CTNNA3: variants seen among roughly 807,000 people sequenced by gnomAD.
CTNNA3 encodes the protein catenin alpha 3.
A neutral mutation model predicts 95.7 loss-of-function variants in CTNNA3; 76 were observed. That is an observed-to-expected ratio of 0.79 (90% CI 0.66 to 0.96). CTNNA3 has a LOEUF of 0.96. CTNNA3 is among the 40% of genes least tolerant of loss of function. CTNNA3 has a pLI of 0.00. For synonymous variants in CTNNA3, 431 were observed against 374.4 expected (o/e 1.15, Z -1.74); for missense variants, 1,191 against 1,089.8 (o/e 1.09, Z -1.31).
At chr10:66,386,927 C>T (rs1293413553) in intron 11 of CTNNA3, among the ~76,000 whole-genome samples, 1 of 152,158 alleles carries the variant, frequency 6.6e-6, no homozygotes, top group Admixed American at 6.5e-5. Flanking sequence ...CTTCCTTACA[C>T]CTTGTACAAA....
Position 66,124,808 on chromosome 10 carries a change from C to T in CTNNA3, c.1885-21559G>A, listed in dbSNP as rs979382175. Reference sequence around the variant, plus strand: ...ATCTCATGAGACTCATTCACTATCACAAGAACAGCACAGAAAAGACCCACC... The same window carrying T: ...ATCTCATGAGACTCATTCACTATCATAAGAACAGCACAGAAAAGACCCACC... On this transcript the variant is annotated intron_variant, in intron 13 of 17. Transcript: ENST00000433211. Among the ~76,000 whole-genome samples, 7 of 152,128 alleles carry T rather than the reference C, an allele frequency of 4.6e-5. No homozygotes were observed. The East Asian group carries it at 5.8e-4, about 13-fold the overall frequency.
At chr10:67,499,413 C>T (rs1839155247) in intron 5 of CTNNA3, among the ~76,000 whole-genome samples, 1 of 152,044 alleles carries the variant, frequency 6.6e-6, no homozygotes. Flanking sequence ...TGTGTCTCTG[C>T]CAGGTTTTGG....
chr10:66,163,088 C>T (rs2084935327), intron 13 of CTNNA3, among the ~76,000 whole-genome samples: 2 of 152,128 alleles, frequency 1.3e-5, no homozygotes, highest in Admixed American at 1.3e-4. Flanking sequence ...AGTCTGTTTC[C>T]AGGTGAAGGG....
intron 5 of CTNNA3, among the ~76,000 whole-genome samples, chr10:67,336,571 G>T (rs1842003491): frequency 6.6e-6 from 1 of 152,222 alleles, no homozygotes; most frequent in South Asian, 2.1e-4. Context: ...CAGATTTTCA[G>T]TGTAGACAAA....
intron 7 of CTNNA3, among the ~76,000 whole-genome samples, chr10:67,100,086 C>T (rs1255406541): frequency 6.6e-6 from 1 of 151,622 alleles, no homozygotes; most frequent in African/African-American, 2.4e-5. Context: ...ATAGGTTTAT[C>T]TACTAATAAA....
intron 17 of CTNNA3, among the ~76,000 whole-genome samples, chr10:65,955,175 T>A (rs1219003359): frequency 6.6e-6 from 1 of 152,222 alleles, no homozygotes; most frequent in Non-Finnish European, 1.5e-5. Flanking sequence ...CACTCATGAT[T>A]TGGCTCTCTG....
intron 2 of CTNNA3, among the ~76,000 whole-genome samples, chr10:67,623,121 C>CA (rs995834464): frequency 4.6e-5 from 7 of 152,070 alleles, no homozygotes; most frequent in African/African-American, 9.6e-5. Flanking sequence ...AGCAAGAGTA[C>CA]AAAAAAGAAG....
chr10:66,211,983 GTTTT>G (rs61453326), intron 13 of CTNNA3, among the ~76,000 whole-genome samples: 481 of 95,000 alleles, frequency 5.1e-3, no homozygotes, highest in African/African-American at 0.02. Flanking sequence ...TTGTTTTTGG[GTTTT>G]TTTTTTTTTT....
At chr10:67,732,886 GCACACACA>G (rs35778813) in intron 1 of CTNNA3, among the ~76,000 whole-genome samples, 4 of 103,612 alleles carry the variant, frequency 3.9e-5, no homozygotes, top group Admixed American at 1.7e-4. Flanking sequence ...TCTCACTCAC[GCACACACA>G]CACACACACA....
chr10:66,531,515 T>C (rs888647564), intron 10 of CTNNA3, among the ~76,000 whole-genome samples: 1 of 152,096 alleles, frequency 6.6e-6, no homozygotes, highest in East Asian at 1.9e-4. Flanking sequence ...TGACAGGCAC[T>C]TGCCACCATG....
intron 15 of CTNNA3, among the ~76,000 whole-genome samples, chr10:66,049,059 TC>T (rs1197954569): frequency 6.6e-6 from 1 of 152,006 alleles, no homozygotes; most frequent in Non-Finnish European, 1.5e-5. Flanking sequence ...AGGTCCAATA[TC>T]CAGCATCTAT....
intron 17 of CTNNA3, among the ~76,000 whole-genome samples, chr10:65,926,111 T>A (rs573291321): frequency 6.0e-4 from 91 of 150,832 alleles, no homozygotes; most frequent in African/African-American, 1.9e-3. Context: ...ATATGTGAAA[T>A]TTTTCAATTG....
At chr10:66,882,234 G>A (rs1263676668) in intron 7 of CTNNA3, among the ~76,000 whole-genome samples, 3 of 152,000 alleles carry the variant, frequency 2.0e-5, no homozygotes, top group Non-Finnish European at 4.4e-5. Context: ...TCCTGATCAG[G>A]CAAACCCAAA....
chr10:67,201,802 C>A (rs1863663580), intron 6 of CTNNA3, among the ~76,000 whole-genome samples: 1 of 152,130 alleles, frequency 6.6e-6, no homozygotes. Context: ...AAAGATTCAT[C>A]CACGATCAGC....
In CTNNA3 at chr10:66,610,320, A is replaced by G. The variant is rs201157800; in HGVS notation, c.1374+11372T>C. Among the ~76,000 whole-genome samples, 28 of 152,168 alleles carry G rather than the reference A, an allele frequency of 1.8e-4. No individual in the cohort carries two copies. The East Asian group carries it at 5.0e-3, about 27-fold the overall frequency. On this transcript the variant is annotated intron_variant, in intron 10 of 17. Coordinates refer to ENST00000433211, the MANE Select transcript of CTNNA3 (RefSeq NM_013266.4). ...CCCTATGTAACAAACCCGCACATGT[A>G]CCCCTGAACTTAAAAGTTTTTTTAA...
intron 7 of CTNNA3, among the ~76,000 whole-genome samples, chr10:66,845,627 C>A (rs1020245799): frequency 7.2e-6 from 1 of 139,306 alleles, no homozygotes; most frequent in African/African-American, 2.7e-5. Flanking sequence ...CGCTTGAACC[C>A]GGGAGGGAGA....
intron 12 of CTNNA3, among the ~76,000 whole-genome samples, chr10:66,341,023 G>A (rs570291329): frequency 1.2e-3 from 184 of 151,930 alleles, no homozygotes; most frequent in African/African-American, 4.4e-3. Context: ...GACTCCAAAT[G>A]TCTTTATAAT....
intron 5 of CTNNA3, among the ~76,000 whole-genome samples, chr10:67,265,338 A>G (rs565571810): frequency 6.6e-6 from 1 of 152,264 alleles, no homozygotes; most frequent in African/African-American, 2.4e-5. Flanking sequence ...TCTTTCCCCA[A>G]GACTTCCCTA....
chr10:67,344,894 T>C (rs889762663), intron 5 of CTNNA3, among the ~76,000 whole-genome samples: 8 of 151,972 alleles, frequency 5.3e-5, no homozygotes, highest in Non-Finnish European at 1.2e-4. Context: ...GGGGTTTGCA[T>C]TTTCTCTCAC....
Sources: allele counts gnomAD v4.1 joint callset (sites outside exome capture counted in the v4.1 genomes callset), GRCh38; gene constraint gnomAD v4.1.1; transcripts MANE v1.5; gene names NCBI Gene and HGNC (gene_info 2026-07-23, HGNC 2026-07-21).